Variants in TBC1D32 observed in about 807,000 individuals in gnomAD.
TBC1D32 encodes TBC1 domain family member 32.
Under a neutral mutation model 170.3 loss-of-function variants are expected in TBC1D32, and 151 were observed. The ratio of observed to expected loss-of-function variants is 0.89; its 90% confidence interval spans 0.78 to 1.01. TBC1D32 has a LOEUF of 1.01. TBC1D32 is among the 50% of genes least tolerant of loss of function. The pLI is 0.00. For synonymous variants in TBC1D32, 498 were observed against 488.0 expected (o/e 1.02, Z -0.27); for missense variants, 1,464 against 1,457.1 (o/e 1.00, Z -0.08).
chr6:121,271,196 C>T (rs1186732659), intron 15 of TBC1D32, among the ~76,000 whole-genome samples: 1 of 152,140 alleles, frequency 6.6e-6, no homozygotes, highest in African/African-American at 2.4e-5. Flanking sequence ...CCTTTGAAAA[C>T]TGGCACAAGA....
At chr6:121,145,716 T>A (rs1356664811) in intron 24 of TBC1D32, among the ~76,000 whole-genome samples, 2 of 152,144 alleles carry the variant, frequency 1.3e-5, no homozygotes, top group Non-Finnish European at 2.9e-5. Flanking sequence ...ATGATAAATA[T>A]ATAGAATGCT....
intron 14 of TBC1D32, 43 bp downstream of exon 14, chr6:121,281,501 C>A: frequency 3.9e-6 from 6 of 1,535,802 alleles, no homozygotes; most frequent in Non-Finnish European, 5.3e-6. Flanking sequence ...TCCACTAATA[C>A]CCAGGTAAGA....
chr6:121,310,816 A>C lies in TBC1D32; in HGVS notation c.527T>G (p.Leu176Trp). 2.5e-6 allele frequency: 4 copies of C among 1,583,660 alleles called. No individual in the cohort carries two copies. The highest frequency in any genetic ancestry group is 3.4e-6 in the Non-Finnish European group (4 of 1,160,734). Residue 176 changes from leucine to tryptophan, a missense_variant, in exon 4 of 32, where the codon TTG becomes TGG. By Grantham distance (61) the Leu-to-Trp change is moderately conservative. Around this residue, in one of 3 missense-constraint regions of TBC1D32, gnomAD observed 1,363 missense variants for 1,338.1 expected, o/e 1.02. Coordinates refer to ENST00000398212, the MANE Select transcript of TBC1D32 (RefSeq NM_152730.6). ...SYKFCQGKLQ[L>W]ILDQLDPGQP... Reference sequence around the variant, plus strand: ...CCCAGGATCCAACTGGTCTAAAATCAATTGTAATTTTCCTTGACAAAATTT... The same window carrying C: ...CCCAGGATCCAACTGGTCTAAAATCCATTGTAATTTTCCTTGACAAAATTT...
At position 121,098,751 on chromosome 6, in the gene TBC1D32, A is replaced by C. The variant is rs1006771090; in HGVS notation, c.3465+7272T>G. On this transcript the variant is annotated intron_variant, in intron 30 of 31. Transcript: ENST00000398212. ...AGAAGCAGTGTACAAAGTGTGTACAAAGCAGTGTACAAACACAGAGCAAAA... is the reference window on the plus strand; with the variant it reads ...AGAAGCAGTGTACAAAGTGTGTACACAGCAGTGTACAAACACAGAGCAAAA... 9.9e-5 allele frequency among the ~76,000 whole-genome samples: 15 copies of C among 152,152 alleles called. No homozygotes were observed. In the South Asian group the frequency reaches 1.2e-3, roughly 13 times the overall value.
chr6:121,123,223 G>C (rs1294898484), intron 26 of TBC1D32, among the ~76,000 whole-genome samples: 1 of 151,976 alleles, frequency 6.6e-6, no homozygotes, highest in Non-Finnish European at 1.5e-5. Context: ...TACCCAATTT[G>C]TTAACAGTTT....
intron 11 of TBC1D32, among the ~76,000 whole-genome samples, chr6:121,292,856 C>T (rs6938933): frequency 1 from 152,310 of 152,314 alleles, 76,153 homozygotes; most frequent in Non-Finnish European, 1. Flanking sequence ...TGAGAGAGAA[C>T]TGGGCAGGAG....
rs189078417 is a variant in TBC1D32 at position 121,132,771 on chromosome 6, T to C, written c.2774-1019A>G. Among the ~76,000 whole-genome samples, 71 of 152,036 alleles carry C rather than the reference T, an allele frequency of 4.7e-4. 1 individual carries two copies. Among genetic ancestry groups the C allele is most frequent in the Admixed American group, 2.6e-3 (40 of 15,264 alleles). On this transcript the variant is annotated intron_variant, in intron 24 of 31. Coordinates refer to ENST00000398212, the MANE Select transcript of TBC1D32 (RefSeq NM_152730.6). The stretch of plus-strand genomic sequence containing the variant: ...ACTCATTAATACATAGCAGATTCCA[T>C]TTAATTGCATAGCTTTAAAGGTACT...
intron 29 of TBC1D32, among the ~76,000 whole-genome samples, chr6:121,106,804 T>C (rs1365065918): frequency 6.6e-6 from 1 of 152,022 alleles, no homozygotes; most frequent in East Asian, 1.9e-4. Context: ...TATAATTTTA[T>C]ATTGATAGTT....
Position 121,144,627 on chromosome 6 carries a change from G to GAT in TBC1D32, c.2774-12877_2774-12876dup, listed in dbSNP as rs534965149. Among the ~76,000 whole-genome samples the GAT allele has an allele frequency of 2.9e-3, 442 of 152,102 alleles. 1 individual carries two copies. Among genetic ancestry groups the GAT allele is most frequent in the Admixed American group, 8.0e-3 (122 of 15,272 alleles). On this transcript the variant is annotated intron_variant, in intron 24 of 31. Transcript: ENST00000398212. ...AATTTATCTGAGACATGTTAAGTTT[G>GAT]ATATATATATTCAACTTACTAGGAG...
chr6:121,232,667 AT>A (rs1241556435), intron 20 of TBC1D32, among the ~76,000 whole-genome samples: 5 of 151,628 alleles, frequency 3.3e-5, no homozygotes, highest in Non-Finnish European at 1.5e-5. Flanking sequence ...TAAGTATTTT[AT>A]TTATTTATTT....
chr6:121,181,556 C>A (rs1009786270), intron 22 of TBC1D32, among the ~76,000 whole-genome samples: 2 of 152,108 alleles, frequency 1.3e-5, no homozygotes, highest in African/African-American at 4.8e-5. Flanking sequence ...ATTACCCAGT[C>A]TCAGGTATTT....
chr6:121,206,490 A>G (rs953056222), intron 21 of TBC1D32, among the ~76,000 whole-genome samples: 10 of 152,194 alleles, frequency 6.6e-5, no homozygotes, highest in African/African-American at 2.2e-4. Context: ...ATTTCATCAA[A>G]TTAAAAAAAG....
intron 21 of TBC1D32, among the ~76,000 whole-genome samples, chr6:121,220,798 G>A (rs553802894): frequency 2.0e-5 from 3 of 151,798 alleles, no homozygotes; most frequent in South Asian, 2.1e-4. Flanking sequence ...GCGCCACCAC[G>A]TCCAGCTAAT....
intron 31 of TBC1D32, among the ~76,000 whole-genome samples, chr6:121,086,929 C>T (rs1276782514): frequency 6.6e-6 from 1 of 152,162 alleles, no homozygotes; most frequent in Admixed American, 6.5e-5. Context: ...AGAATATTTA[C>T]TTTGTTGGAT....
intron 15 of TBC1D32, among the ~76,000 whole-genome samples, chr6:121,264,173 A>G (rs985614295): frequency 2.0e-5 from 3 of 152,096 alleles, no homozygotes; most frequent in Non-Finnish European, 4.4e-5. Context: ...AATAAAATAG[A>G]CCACTAGTTA....
intron 5 of TBC1D32, among the ~76,000 whole-genome samples, chr6:121,306,753 T>C (rs905102026): frequency 4.6e-5 from 7 of 152,304 alleles, no homozygotes; most frequent in Admixed American, 3.9e-4. Flanking sequence ...ATGATAACTG[T>C]TCCTAAAAAG....
intron 21 of TBC1D32, among the ~76,000 whole-genome samples, chr6:121,211,522 G>A (rs576956879): frequency 2.3e-4 from 35 of 152,034 alleles, no homozygotes; most frequent in African/African-American, 3.4e-4. Context: ...ATGCCTTTGC[G>A]TCCTCATAGC....
At chr6:121,103,968 G>A (rs1482997399) in intron 30 of TBC1D32, among the ~76,000 whole-genome samples, 1 of 151,766 alleles carries the variant, frequency 6.6e-6, no homozygotes, top group Admixed American at 6.6e-5. Context: ...AATGTTTTAG[G>A]TATATATAGC....
chr6:121,319,478 T>C (rs967702370), intron 2 of TBC1D32, among the ~76,000 whole-genome samples: 5 of 152,176 alleles, frequency 3.3e-5, no homozygotes, highest in African/African-American at 4.8e-5. Flanking sequence ...GATTGAATTC[T>C]AGCTGGTCAC....
Sources: allele counts gnomAD v4.1 joint callset (sites outside exome capture counted in the v4.1 genomes callset), GRCh38; gene constraint gnomAD v4.1.1; regional missense constraint gnomAD v4.1.1; transcripts MANE v1.5; gene names NCBI Gene and HGNC (gene_info 2026-07-23, HGNC 2026-07-21).